PAX2: variants seen among roughly 807,000 people sequenced by gnomAD.
PAX2 encodes the protein paired box protein Pax-2.
PAX2 carries 9 observed loss-of-function variants against 41.7 expected under a neutral mutation model. The ratio of observed to expected loss-of-function variants is 0.22; its 90% CI spans 0.13 to 0.38. The LOEUF is 0.38. Among genes scored for constraint, PAX2 ranks in the 10% least tolerant of loss-of-function variants. The pLI, the probability that PAX2 is intolerant of heterozygous loss-of-function variation, is 1.00. For synonymous variants in PAX2, 221 were observed against 212.7 expected, an observed-to-expected ratio of 1.04 and a Z score of -0.34; for missense variants, 418 against 531.6, an observed-to-expected ratio of 0.79 and a Z score of 2.10.
chr10:100,764,690 G>C (rs905170584), intron 3 of PAX2, among the ~76,000 whole-genome samples: 2 of 152,160 alleles, frequency 1.3e-5, no homozygotes, highest in Admixed American at 6.5e-5. Context: ...CTGTGTGTGT[G>C]TGTGTGTGTA....
intron 5 of PAX2, among the ~76,000 whole-genome samples, chr10:100,795,879 G>A (rs563168920): frequency 6.6e-6 from 1 of 152,358 alleles, no homozygotes; most frequent in Non-Finnish European, 1.5e-5. Context: ...TTCATTTGGA[G>A]AAGACAAAAG....
intron 3 of PAX2, among the ~76,000 whole-genome samples, chr10:100,752,304 C>T (rs151335778): frequency 2.6e-5 from 4 of 152,328 alleles, no homozygotes; most frequent in Non-Finnish European, 2.9e-5. Flanking sequence ...GAAAGCATAG[C>T]GATTTGACAT....
chr10:100,783,477 G>T (rs139680327), intron 5 of PAX2, among the ~76,000 whole-genome samples: 1 of 152,230 alleles, frequency 6.6e-6, no homozygotes, highest in Non-Finnish European at 1.5e-5. Context: ...CAGAGACAAT[G>T]GTAGCCTGAA....
chr10:100,824,698 C>T lies in PAX2; in HGVS notation c.970C>T (p.Pro324Ser), dbSNP rs1331395332. ...GCCTGGTTACCCCCCTCACGTGCCC[C>T]CCACTGGCCAGGGAAGCTACCCCAC... ...TLPGYPPHVP[P>S]TGQGSYPTST... is the part of the protein sequence containing the mutation. The change falls in exon 8 of 10, where the codon CCC becomes TCC. Residue 324 changes from proline to serine, a missense_variant. Around this residue, in one of 2 missense-constraint regions of PAX2, gnomAD observed 310 missense variants for 325.2 expected, o/e 0.95. Transcript: ENST00000355243. This position sits in a 1 kb window ranked among gnomAD's most constrained non-coding sequence, Gnocchi z 6.6. 1 of 1,611,726 alleles carries T rather than the reference C, an allele frequency of 6.2e-7. No homozygotes were observed. Among genetic ancestry groups the T allele is most frequent in the Admixed American group, 1.7e-5 (1 of 60,018 alleles).
chr10:100,825,056 C>T, intron 8 of PAX2: 1 of 1,192,094 alleles, frequency 8.4e-7, no homozygotes, highest in South Asian at 1.2e-5. Flanking sequence ...CTCAGCTCCA[C>T]CCTCAGTGCC....
In PAX2 at chr10:100,822,209, A is replaced by T. The variant is rs184347959; in HGVS notation, c.920-2439A>T. On this transcript the variant is annotated intron_variant, in intron 7 of 9. Transcript: ENST00000355243. The stretch of plus-strand genomic sequence containing the variant: ...TTTTAGGAAATGAAAGATATTGGCT[A>T]TATTAGACAGGTATAGAGGAAAGTC... Among the ~76,000 whole-genome samples the T allele has an allele frequency of 7.9e-5, 12 of 152,330 alleles. No homozygotes were observed. In the East Asian group the frequency reaches 2.3e-3, roughly 29 times the overall value.
In PAX2 at chr10:100,768,286, AATC is replaced by A. The variant is rs578073273; in HGVS notation, c.411-11209_411-11207del. Among the ~76,000 whole-genome samples the A allele has an allele frequency of 2.2e-4, 33 of 152,358 alleles. No individual in the cohort carries two copies. The South Asian group carries it at 6.6e-3, about 31-fold the overall frequency. On this transcript the variant is annotated intron_variant, in intron 3 of 9. Coordinates refer to ENST00000355243, the MANE Select transcript of PAX2 (RefSeq NM_000278.5). The stretch of plus-strand genomic sequence containing the variant: ...GCAGACCTGAATATAAAGATAAACT[AATC>A]ATAGAAATAGATCCTCAAAACAGAA...
At position 100,829,210 on chromosome 10, in the gene PAX2, C is replaced by G. The variant is rs1848694368; in HGVS notation, c.*1591C>G. On this transcript the variant is annotated 3_prime_UTR_variant, in exon 10 of 10. Transcript: ENST00000355243. ...CTGTAATTCCGTGTTTTCGCTTTTT[C>G]CTCCCTGCCCCTCTCTCCCTCTGCC... is the stretch of plus-strand genomic sequence containing the variant. 4.3e-6 allele frequency: 1 copy of G among 232,226 alleles called. No individual in the cohort carries two copies. The highest frequency in any genetic ancestry group is 8.5e-6 in the Non-Finnish European group (1 of 117,482). The allele number at this position is 232,226 out of a possible 1,614,324, so 14.4% of individuals were successfully genotyped here. A position where few individuals can be genotyped will look rare whatever the true frequency, so the allele number is the denominator to read the frequency against.
intron 5 of PAX2, among the ~76,000 whole-genome samples, chr10:100,789,216 C>T (rs1370692856): frequency 6.6e-6 from 1 of 152,236 alleles, no homozygotes; most frequent in Non-Finnish European, 1.5e-5. Flanking sequence ...AGCGATTCTC[C>T]TGTCTCAGCC....
At chr10:100,779,735 T>C (rs1846537622) in intron 4 of PAX2, 152 bp downstream of exon 4, 2 of 705,182 alleles carry the variant, frequency 2.8e-6, no homozygotes, top group Non-Finnish European at 5.2e-6. Context: ...CCACATAGGG[T>C]CTTCCTGAGA....
Position 100,827,924 on chromosome 10 carries a change from C to T in PAX2, c.*305C>T, listed in dbSNP as rs1848645295. 3 of 393,638 alleles carry T rather than the reference C, an allele frequency of 7.6e-6. No homozygotes were observed. The highest frequency in any genetic ancestry group is 2.1e-5 in the African/African-American group (1 of 46,900). 24.4% of individuals were successfully genotyped at this position (393,638 alleles called of 1,614,324 possible). ...TGAGGGGGATTCGGCCCAGCTCGTC[C>T]CGGCCTCCACCAAGCCAGCCCCGAA... On this transcript the variant is annotated 3_prime_UTR_variant, in exon 10 of 10. Coordinates refer to ENST00000355243, the MANE Select transcript of PAX2 (RefSeq NM_000278.5). The surrounding 1 kb of genome is among the most constrained non-coding windows in gnomAD (Gnocchi z 8.5).
At position 100,827,210 on chromosome 10, in the gene PAX2, TGTTAGTGCAGCACTGA is replaced by T. The variant is rs1333796075; in HGVS notation, c.1108+117_1108+132del. 1.2e-6 allele frequency: 1 copy of T among 847,842 alleles called. No individual in the cohort carries two copies. Among genetic ancestry groups the T allele is most frequent in the African/African-American group, 1.7e-5 (1 of 59,558 alleles). The allele number at this position is 847,842 out of a possible 1,614,324, so 52.5% of individuals were successfully genotyped here. A position where few individuals can be genotyped will look rare whatever the true frequency, so the allele number is the denominator to read the frequency against. Reference sequence around the variant, plus strand: ...CCCGGCCGGGCCAGGGGGACAGGCTTGTTAGTGCAGCACTGAGGCCCGGGGACCCCTCGAGGACGCC... The same window carrying T: ...CCCGGCCGGGCCAGGGGGACAGGCTTGGCCCGGGGACCCCTCGAGGACGCC... On this transcript the variant is annotated intron_variant, in intron 9 of 9. Coordinates refer to ENST00000355243, the MANE Select transcript of PAX2 (RefSeq NM_000278.5). The surrounding 1 kb of genome is among the most constrained non-coding windows in gnomAD (Gnocchi z 8.5).
At chr10:100,809,706 T>C (rs974138503) in intron 7 of PAX2, among the ~76,000 whole-genome samples, 2 of 152,200 alleles carry the variant, frequency 1.3e-5, no homozygotes, top group Admixed American at 6.5e-5. Flanking sequence ...GGCTTTGGGC[T>C]TGAGGGCATG....
At chr10:100,797,699 A>G (rs1264697581) in intron 5 of PAX2, among the ~76,000 whole-genome samples, 4 of 152,210 alleles carry the variant, frequency 2.6e-5, no homozygotes, top group Non-Finnish European at 5.9e-5. Context: ...GGCTGTTAGA[A>G]TGCAGAGAAA....
chr10:100,805,950 G>A (rs1015237639), intron 5 of PAX2, among the ~76,000 whole-genome samples: 4 of 152,152 alleles, frequency 2.6e-5, no homozygotes, highest in East Asian at 1.9e-4. Flanking sequence ...GGTTACACTC[G>A]GCCTCGGAAA....
intron 7 of PAX2, among the ~76,000 whole-genome samples, chr10:100,821,563 T>G (rs1033116443): frequency 6.6e-6 from 1 of 152,254 alleles, no homozygotes; most frequent in Non-Finnish European, 1.5e-5. Flanking sequence ...CATGCAAAAG[T>G]TCCTACCTGA....
intron 4 of PAX2, among the ~76,000 whole-genome samples, 164 bp downstream of exon 4, chr10:100,779,747 A>T (rs907097622): frequency 6.6e-6 from 1 of 151,968 alleles, no homozygotes; most frequent in East Asian, 1.9e-4. Context: ...TTCCTGAGAG[A>T]TACTGGTTCT....
At position 100,824,831 on chromosome 10, in the gene PAX2, G is replaced by A; in HGVS notation, c.1021+82G>A. 4 of 1,512,322 alleles carry A rather than the reference G, an allele frequency of 2.6e-6. No individual in the cohort carries two copies. Among genetic ancestry groups the A allele is most frequent in the Non-Finnish European group, 3.7e-6 (4 of 1,087,196 alleles). The allele number at this position is 1,512,322 out of a possible 1,614,324, so 93.7% of individuals were successfully genotyped here. ...AGCTGCTGAATGGTCTGTAGTCTGAGGCTGGGGTGGGGGGAGACACAACGT... is the reference window on the plus strand; with the variant it reads ...AGCTGCTGAATGGTCTGTAGTCTGAAGCTGGGGTGGGGGGAGACACAACGT... On this transcript the variant is annotated intron_variant, in intron 8 of 9. Coordinates refer to ENST00000355243, the MANE Select transcript of PAX2 (RefSeq NM_000278.5). The surrounding 1 kb of genome is among the most constrained non-coding windows in gnomAD (Gnocchi z 6.6).
intron 7 of PAX2, among the ~76,000 whole-genome samples, chr10:100,810,848 C>T (rs1014563446): frequency 6.6e-6 from 1 of 152,112 alleles, no homozygotes; most frequent in African/African-American, 2.4e-5. Context: ...CCTTGAGCAG[C>T]CCCCACCCGC....
Sources: gnomAD v4.1 joint callset for allele counts (sites outside exome capture counted in the v4.1 genomes callset) on GRCh38, gnomAD v4.1.1 for gene constraint, gnomAD v4.1.1 regional missense constraint, Gnocchi (gnomAD v3.1) non-coding constraint, MANE v1.5 for transcripts, NCBI Gene and HGNC (gene_info 2026-07-23, HGNC 2026-07-21) for gene names.